SIM1: variants seen among roughly 807,000 people sequenced by gnomAD.
SIM1 encodes SIM bHLH transcription factor 1, also known as single-minded homolog 1.
In SIM1, 18 loss-of-function variants were observed where a neutral mutation model predicts 78.2. The observed-to-expected ratio is 0.23, with a 90% confidence interval of 0.16 to 0.34. The LOEUF is 0.34. SIM1 is among the 10% of genes least tolerant of loss of function. The pLI is 1.00. For synonymous variants in SIM1, 417 were observed against 385.2 expected (o/e 1.08, Z -0.97); for missense variants, 939 against 975.1 (o/e 0.96, Z 0.49).
intron 9 of SIM1, among the ~76,000 whole-genome samples, chr6:100,422,184 G>C (rs1411820873): frequency 6.6e-6 from 1 of 151,920 alleles, no homozygotes; most frequent in Admixed American, 6.6e-5. Context: ...ATAGTCTTTG[G>C]ATTGAGAAGC....
chr6:100,462,421 A>T (rs548517816), intron 2 of SIM1, among the ~76,000 whole-genome samples: 1 of 152,368 alleles, frequency 6.6e-6, no homozygotes, highest in African/African-American at 2.4e-5. Flanking sequence ...CTTTTCTAGT[A>T]AGTATAAATG....
At chr6:100,456,060 C>A (rs1434459745) in intron 2 of SIM1, among the ~76,000 whole-genome samples, 3 of 152,136 alleles carry the variant, frequency 2.0e-5, no homozygotes, top group Non-Finnish European at 4.4e-5. Context: ...CCCCCGCCAC[C>A]TTTTAAGGAA....
At chr6:100,430,466 C>G (rs574294414) in intron 9 of SIM1, among the ~76,000 whole-genome samples, 30 of 151,974 alleles carry the variant, frequency 2.0e-4, no homozygotes, top group African/African-American at 6.5e-4. Context: ...TAGCCCACTT[C>G]TAGAAAAGAA....
At chr6:100,462,411 C>T (rs1226982245) in intron 2 of SIM1, among the ~76,000 whole-genome samples, 1 of 152,132 alleles carries the variant, frequency 6.6e-6, no homozygotes, top group African/African-American at 2.4e-5. Context: ...GAAAAGTGTC[C>T]TTTTCTAGTA....
chr6:100,442,840 A>C (rs1258711737), intron 9 of SIM1, among the ~76,000 whole-genome samples: 2 of 152,130 alleles, frequency 1.3e-5, no homozygotes, highest in African/African-American at 4.8e-5. Flanking sequence ...CAGCACAAAT[A>C]ATGTACCTAA....
chr6:100,448,341 C>A (rs913135174), intron 7 of SIM1, 89 bp from the exon 8 acceptor site: 1 of 1,354,100 alleles, frequency 7.4e-7, no homozygotes, highest in Non-Finnish European at 1.0e-6. Flanking sequence ...TGACACCTAG[C>A]TGTCCGCCCT....
chr6:100,448,814 CAA>C (rs1772433502), intron 6 of SIM1, 136 bp from the exon 7 acceptor site: 5 of 720,928 alleles, frequency 6.9e-6, no homozygotes, highest in Non-Finnish European at 1.1e-5. Flanking sequence ...CTAAGGAATC[CAA>C]AGTTACTGGT....
chr6:100,448,430 AG>A (rs745406086), intron 7 of SIM1, 48 bp downstream of exon 7: 26 of 1,578,200 alleles, frequency 1.6e-5, no homozygotes, highest in Non-Finnish European at 2.3e-5. Flanking sequence ...GTCACTAAGC[AG>A]GGCCGCCCTC....
At chr6:100,457,001 C>T (rs1772681601) in intron 2 of SIM1, among the ~76,000 whole-genome samples, 1 of 152,180 alleles carries the variant, frequency 6.6e-6, no homozygotes, top group South Asian at 2.1e-4. Context: ...ACCATTTAGG[C>T]CCGTTCTTGG....
chr6:100,463,482 C>T lies in SIM1; in HGVS notation c.-14G>A. The T allele has an allele frequency of 1.3e-6, 2 of 1,588,874 alleles. No homozygotes were observed. Among genetic ancestry groups the T allele is most frequent in the Non-Finnish European group, 1.7e-6 (2 of 1,160,504 alleles). On this transcript the variant is annotated 5_prime_UTR_variant, in exon 2 of 12. Coordinates refer to ENST00000369208, the MANE Select transcript of SIM1 (RefSeq NM_005068.3). Reference sequence around the variant, plus strand: ...CTTTTCTTTCATTGTGTCTTGTTCCCCCTTTCTTCTCACAACTTAAGCTCC... The same window carrying T: ...CTTTTCTTTCATTGTGTCTTGTTCCTCCTTTCTTCTCACAACTTAAGCTCC...
rs375453536 is a variant in SIM1, at chr6:100,434,255, T to C, written c.998+13013A>G. On this transcript the variant is annotated intron_variant, in intron 9 of 11. Coordinates refer to ENST00000369208, the MANE Select transcript of SIM1 (RefSeq NM_005068.3). The stretch of plus-strand genomic sequence containing the variant: ...CTTCATTCTTCTAGCATTCCTGAGC[T>C]GTAACCCTGCAAGGGTCCATTACCC... 6.3e-4 allele frequency among the ~76,000 whole-genome samples: 96 copies of C among 152,318 alleles called. 2 individuals carry two copies. In the South Asian group the frequency reaches 0.015, roughly 24 times the overall value.
chr6:100,412,753 A>AAGAAG (rs1771288138), intron 10 of SIM1, among the ~76,000 whole-genome samples: 1 of 132,850 alleles, frequency 7.5e-6, no homozygotes, highest in Admixed American at 7.9e-5. Context: ...GAAAGAAAGA[A>AAGAAG]AAAAGAAAAG....
chr6:100,444,146 T>A (rs1772292039), intron 9 of SIM1, among the ~76,000 whole-genome samples: 1 of 152,110 alleles, frequency 6.6e-6, no homozygotes, highest in Admixed American at 6.6e-5. Flanking sequence ...GCTTTCCATC[T>A]GAACTGGCTA....
chr6:100,450,667 C>CTCTCTCTT (rs1372767876), intron 3 of SIM1, among the ~76,000 whole-genome samples: 2 of 84,878 alleles, frequency 2.4e-5, no homozygotes. Context: ...CACACACTGT[C>CTCTCTCTT]TCTCTCTCTC....
In SIM1 at chr6:100,390,365, C is replaced by T. The variant is rs1185696205; in HGVS notation, c.2297G>A (p.Ser766Asn). 3 of 1,610,244 alleles carry T rather than the reference C, an allele frequency of 1.9e-6. No individual in the cohort carries two copies. The highest frequency in any genetic ancestry group is 2.7e-5 in the African/African-American group (2 of 74,764). The change falls in exon 12 of 12, where the codon AGC (serine) becomes AAC (asparagine). Residue 766 changes from serine to asparagine, a missense_variant. This residue lies in a region of SIM1 where 556 missense variants were observed against 521.9 expected (regional missense o/e 1.07). Coordinates refer to ENST00000369208, the MANE Select transcript of SIM1 (RefSeq NM_005068.3). ...KGTSVIITNG[S>N] ...ACAAAATATTTCAGCAAAACATCAGCTTCCGTTGGTTATTATAACAGATGT... is the reference window on the plus strand; with the variant it reads ...ACAAAATATTTCAGCAAAACATCAGTTTCCGTTGGTTATTATAACAGATGT...
At chr6:100,450,832 G>A (rs1242625508) in intron 3 of SIM1, among the ~76,000 whole-genome samples, 1 of 152,106 alleles carries the variant, frequency 6.6e-6, no homozygotes. Flanking sequence ...AGTCAATTTT[G>A]GAAGGGCTGG....
Position 100,389,511 on chromosome 6 carries a change from C to A in SIM1, c.*850G>T. Reference sequence around the variant, plus strand: ...AAATATGTTGTTTACTTATGCTGAGCCCTTAAATTGTGTTAAACTTTGAGA... The same window carrying A: ...AAATATGTTGTTTACTTATGCTGAGACCTTAAATTGTGTTAAACTTTGAGA... On this transcript the variant is annotated 3_prime_UTR_variant, in exon 12 of 12. Transcript: ENST00000369208. 2.5e-6 allele frequency: 1 copy of A among 397,782 alleles called. No homozygotes were observed. Among genetic ancestry groups the A allele is most frequent in the Non-Finnish European group, 4.4e-6 (1 of 225,656 alleles). 24.6% of individuals were successfully genotyped at this position (397,782 alleles called of 1,614,324 possible). A position where few individuals can be genotyped will look rare whatever the true frequency, so the allele number is the denominator to read the frequency against.
intron 10 of SIM1, among the ~76,000 whole-genome samples, chr6:100,397,826 C>T (rs987322408): frequency 6.6e-6 from 1 of 151,952 alleles, no homozygotes; most frequent in Admixed American, 6.6e-5. Context: ...CAAAAATCAA[C>T]AACAAGAACA....
chr6:100,428,666 CG>C (rs1274168561), intron 9 of SIM1, among the ~76,000 whole-genome samples: 1 of 151,904 alleles, frequency 6.6e-6, no homozygotes, highest in Non-Finnish European at 1.5e-5. Flanking sequence ...CACTAGTCCC[CG>C]CCTTATCCGA....
Sources: allele counts gnomAD v4.1 joint callset (sites outside exome capture counted in the v4.1 genomes callset), GRCh38; gene constraint gnomAD v4.1.1; regional missense constraint gnomAD v4.1.1; transcripts MANE v1.5; gene names NCBI Gene and HGNC (gene_info 2026-07-23, HGNC 2026-07-21).